Variants in ARF4 observed in about 807,000 individuals in gnomAD.
ARF4 encodes ARF GTPase 4, also known as ADP-ribosylation factor 4.
In ARF4, 5 loss-of-function variants were observed where a neutral mutation model predicts 24.3. That is an observed-to-expected ratio of 0.21 (90% confidence interval 0.11 to 0.43). The LOEUF (loss-of-function observed/expected upper bound fraction) is 0.43. Among genes scored for constraint, ARF4 ranks in the 20% least tolerant of loss-of-function variants. The pLI, the probability that ARF4 is intolerant of heterozygous loss-of-function variation, is 1.00. For missense variants in ARF4, 107 were observed against 213.0 expected (o/e 0.50, Z 3.10); for synonymous variants, 62 against 73.5 (o/e 0.84, Z 0.80).
At chr3:57,586,098 T>TA (rs896174274) in intron 1 of ARF4, among the ~76,000 whole-genome samples, 6 of 152,220 alleles carry the variant, frequency 3.9e-5, no homozygotes, top group African/African-American at 1.4e-4. Context: ...TAAATGCTTG[T>TA]AAGTATGAAT....
chr3:57,597,267 G>A lies in ARF4; in HGVS notation c.-127C>T. On this transcript the variant is annotated 5_prime_UTR_variant, in exon 1 of 6. Transcript: ENST00000303436. Reference sequence around the variant, plus strand: ...AAAGAGCGGAGGAAGAAAGAGGGAGGCAGAAACGTCTCAGTGGCCCCTGTG... The same window carrying A: ...AAAGAGCGGAGGAAGAAAGAGGGAGACAGAAACGTCTCAGTGGCCCCTGTG... The A allele has an allele frequency of 1.1e-6, 1 of 908,850 alleles. No individual in the cohort carries two copies. Among genetic ancestry groups the A allele is most frequent in the African/African-American group, 1.7e-5 (1 of 60,098 alleles). 56.3% of individuals were successfully genotyped at this position (908,850 alleles called of 1,614,324 possible). A position where few individuals can be genotyped will look rare whatever the true frequency, so the allele number is the denominator to read the frequency against.
chr3:57,584,067 T>C (rs1365652957), intron 2 of ARF4, 60 bp from the exon 3 acceptor site: 4 of 1,171,282 alleles, frequency 3.4e-6, no homozygotes, highest in Admixed American at 2.2e-5. Context: ...AAACCTTTTA[T>C]TGTGGAATTT....
Position 57,584,410 on chromosome 3 carries a change from T to A in ARF4, c.122A>T (p.Glu41Val), listed in dbSNP as rs748926137. 3 of 1,613,220 alleles carry A rather than the reference T, an allele frequency of 1.9e-6. No homozygotes were observed. Among genetic ancestry groups the A allele is most frequent in the Non-Finnish European group, 2.5e-6 (3 of 1,179,224 alleles). The change falls in exon 2 of 6, where the codon GAG becomes GTG. Residue 41 changes from glutamate (E) to valine (V), a missense_variant. Physicochemically the swap from Glu to Val is moderately radical, Grantham distance 121. Transcript: ENST00000303436. ...TTILYKLKLG[E>V]IVTTIPTIGF... ...AATGGTAGGAATGGTGGTGACTATC[T>A]CCCCTAACTTCAGTTTATACAGAAT...
At chr3:57,587,226 G>A (rs2070049182) in intron 1 of ARF4, among the ~76,000 whole-genome samples, 1 of 151,436 alleles carries the variant, frequency 6.6e-6, no homozygotes, top group African/African-American at 2.4e-5. Context: ...GGCTGAGGCA[G>A]GAGACTCGCT....
At chr3:57,590,133 A>AAAT (rs1553731295) in intron 1 of ARF4, among the ~76,000 whole-genome samples, 3 of 139,606 alleles carry the variant, frequency 2.1e-5, no homozygotes, top group African/African-American at 5.2e-5. Flanking sequence ...ATAAATAAAT[A>AAAT]AAACAAAAAA....
At chr3:57,575,735 T>A (rs2069895113) in intron 4 of ARF4, 62 bp from the exon 5 acceptor site, 1 of 1,521,076 alleles carries the variant, frequency 6.6e-7, no homozygotes, top group Admixed American at 2.1e-5. Flanking sequence ...GAAAATGTCT[T>A]CCTATATATA....
chr3:57,577,506 G>T, intron 3 of ARF4, 119 bp from the exon 4 acceptor site: 1 of 767,004 alleles, frequency 1.3e-6, no homozygotes, highest in South Asian at 1.7e-5. Flanking sequence ...CTCTTTAAAA[G>T]TAAGAACTTA....
chr3:57,580,417 A>G (rs1358963103), intron 3 of ARF4, among the ~76,000 whole-genome samples: 3 of 151,988 alleles, frequency 2.0e-5, no homozygotes, highest in Non-Finnish European at 2.9e-5. Context: ...TTTTTTCAAA[A>G]AAGAGGCAAG....
chr3:57,593,038 T>C (rs539351409), intron 1 of ARF4, among the ~76,000 whole-genome samples: 1 of 152,152 alleles, frequency 6.6e-6, no homozygotes, highest in Non-Finnish European at 1.5e-5. Context: ...ACCCCCATTC[T>C]CTACAAAATA....
intron 1 of ARF4, among the ~76,000 whole-genome samples, chr3:57,586,992 C>T (rs907566606): frequency 2.0e-5 from 3 of 152,016 alleles, no homozygotes; most frequent in East Asian, 3.9e-4. Context: ...CAGTTATCAC[C>T]GGAGGTCCAA....
chr3:57,593,526 C>A (rs528096329), intron 1 of ARF4, among the ~76,000 whole-genome samples: 1 of 152,320 alleles, frequency 6.6e-6, no homozygotes, highest in Admixed American at 6.5e-5. Context: ...CAGAACTACA[C>A]TGGCATACTA....
intron 4 of ARF4, among the ~76,000 whole-genome samples, chr3:57,576,850 C>G (rs1439315757): frequency 6.6e-6 from 1 of 151,994 alleles, no homozygotes; most frequent in Non-Finnish European, 1.5e-5. Context: ...TAAATGGTTA[C>G]TATTAAAAAA....
chr3:57,583,824 T>C (rs2070004893), intron 3 of ARF4, 74 bp downstream of exon 3: 4 of 1,006,236 alleles, frequency 4.0e-6, no homozygotes, highest in Non-Finnish European at 6.1e-6. Flanking sequence ...TCCAAGTAAA[T>C]ACTAGATACT....
chr3:57,576,903 C>G (rs983900553), intron 4 of ARF4, among the ~76,000 whole-genome samples: 1 of 152,056 alleles, frequency 6.6e-6, no homozygotes, highest in African/African-American at 2.4e-5. Context: ...GAAAATGGAA[C>G]CGATGACCTT....
chr3:57,577,054 TAA>T (rs914986052), intron 4 of ARF4, among the ~76,000 whole-genome samples: 3 of 137,744 alleles, frequency 2.2e-5, no homozygotes, highest in Admixed American at 1.5e-4. Flanking sequence ...TGAGGCATTC[TAA>T]AAAAAAAAAA....
intron 3 of ARF4, among the ~76,000 whole-genome samples, chr3:57,579,726 C>A (rs894444286): frequency 1.3e-5 from 2 of 152,168 alleles, no homozygotes; most frequent in African/African-American, 4.8e-5. Context: ...TCCTTTATCT[C>A]TGTTGGAAAC....
chr3:57,593,381 T>G (rs2070137596), intron 1 of ARF4, among the ~76,000 whole-genome samples: 1 of 152,130 alleles, frequency 6.6e-6, no homozygotes, highest in Non-Finnish European at 1.5e-5. Flanking sequence ...AATAGATGGA[T>G]TTACAAAATA....
rs2069846683 is a variant in ARF4, at chr3:57,571,910, C to G, written c.*302G>C. The G allele has an allele frequency of 3.9e-6, 1 of 254,510 alleles. No homozygotes were observed. The highest frequency in any genetic ancestry group is 5.3e-5 in the Admixed American group (1 of 18,976). 15.8% of individuals were successfully genotyped at this position (254,510 alleles called of 1,614,324 possible). A position where few individuals can be genotyped will look rare whatever the true frequency, so the allele number is the denominator to read the frequency against. ...TTTAAAACATTATTTGTCTGGGGCT[C>G]AAAAAACACTCAAAACAATTTATTT... On this transcript the variant is annotated 3_prime_UTR_variant, in exon 6 of 6. Coordinates refer to ENST00000303436, the MANE Select transcript of ARF4 (RefSeq NM_001660.4).
rs2069920465 is a variant in ARF4 at position 57,577,487 on chromosome 3, A to G, written c.259-100T>C. ...TGGTACCAATGGTTAGACATTAGGAAGAAAATGTCTCTTTAAAAGTAAGAA... is the reference window on the plus strand; with the variant it reads ...TGGTACCAATGGTTAGACATTAGGAGGAAAATGTCTCTTTAAAAGTAAGAA... On this transcript the variant is annotated intron_variant, in intron 3 of 5. Coordinates refer to ENST00000303436, the MANE Select transcript of ARF4 (RefSeq NM_001660.4). 5 of 861,286 alleles carry G rather than the reference A, an allele frequency of 5.8e-6. No individual in the cohort carries two copies. The East Asian group carries it at 1.0e-4, about 17-fold the overall frequency. 53.4% of individuals were successfully genotyped at this position (861,286 alleles called of 1,614,324 possible).
Sources: gnomAD v4.1 joint callset for allele counts (sites outside exome capture counted in the v4.1 genomes callset) on GRCh38, gnomAD v4.1.1 for gene constraint, MANE v1.5 for transcripts, NCBI Gene and HGNC (gene_info 2026-07-23, HGNC 2026-07-21) for gene names.